Variants in COL23A1 observed in about 807,000 individuals in gnomAD.
COL23A1 encodes the protein collagen alpha-1(XXIII) chain.
COL23A1 carries 97 observed loss-of-function variants against 99.3 expected under a neutral mutation model. That is an observed-to-expected ratio of 0.98 (90% CI 0.83 to 1.16). The LOEUF (loss-of-function observed/expected upper bound fraction) is 1.16, where lower values mean the gene tolerates loss of function less well. Ranked by LOEUF, COL23A1 falls within the 50% of genes most tolerant of loss-of-function variation. The probability of loss-of-function intolerance (pLI) is 0.00; values close to 1 mark genes in which losing one functional copy is unlikely to be tolerated. For synonymous variants in COL23A1, 320 were observed against 308.2 expected (o/e 1.04, Z -0.40); for missense variants, 762 against 757.4 (o/e 1.01, Z -0.07).
chr5:178,239,010 T>C, intron 28 of COL23A1, 131 bp downstream of exon 28: 1 of 1,051,660 alleles, frequency 9.5e-7, no homozygotes, highest in Non-Finnish European at 1.5e-6. Flanking sequence ...AACCTGGCTA[T>C]TCAGTCACTG....
At chr5:178,268,037 C>T (rs1350792837) in intron 7 of COL23A1, among the ~76,000 whole-genome samples, 3 of 152,242 alleles carry the variant, frequency 2.0e-5, no homozygotes, top group East Asian at 1.9e-4. Flanking sequence ...CCACGGCTCC[C>T]GCAGCCCTGG....
chr5:178,505,192 A>G (rs1758793794), intron 2 of COL23A1, among the ~76,000 whole-genome samples: 1 of 151,514 alleles, frequency 6.6e-6, no homozygotes, highest in South Asian at 2.1e-4. Flanking sequence ...GGCTTACCCC[A>G]TCTCCACCTT....
In COL23A1 at chr5:178,387,843, A is replaced by G. The variant is rs1008655446; in HGVS notation, c.362-80924T>C. ...CCAGCTTTTATACTCAGGAAGGAAG[A>G]GGGCCCAAGGAGAAAATAAGGAGCC... is the stretch of plus-strand genomic sequence containing the variant. On this transcript the variant is annotated intron_variant, in intron 2 of 28. Coordinates refer to ENST00000390654, the MANE Select transcript of COL23A1 (RefSeq NM_173465.4). The surrounding 1 kb of genome is among the most constrained non-coding windows in gnomAD (Gnocchi z 4.7). Among the ~76,000 whole-genome samples the G allele has an allele frequency of 6.6e-6, 1 of 152,124 alleles. No individual in the cohort carries two copies. Among genetic ancestry groups the G allele is most frequent in the African/African-American group, 2.4e-5 (1 of 41,418 alleles).
At chr5:178,419,358 C>G (rs961781525) in intron 2 of COL23A1, among the ~76,000 whole-genome samples, 1 of 152,174 alleles carries the variant, frequency 6.6e-6, no homozygotes, top group Non-Finnish European at 1.5e-5. Flanking sequence ...AGAGCCAAGG[C>G]GAGCCTCCAC....
chr5:178,480,977 C>T (rs1757300874), intron 2 of COL23A1, among the ~76,000 whole-genome samples: 1 of 151,762 alleles, frequency 6.6e-6, no homozygotes, highest in African/African-American at 2.4e-5. Flanking sequence ...GAAACCTTGT[C>T]TCTATTAAAA....
intron 2 of COL23A1, among the ~76,000 whole-genome samples, chr5:178,486,040 G>A (rs1334587505): frequency 6.6e-6 from 1 of 152,206 alleles, no homozygotes; most frequent in Non-Finnish European, 1.5e-5. Context: ...ATGATGTCCT[G>A]TGTTAAAATC....
chr5:178,332,727 A>G (rs764695279), intron 2 of COL23A1, among the ~76,000 whole-genome samples: 2 of 151,992 alleles, frequency 1.3e-5, no homozygotes, highest in Non-Finnish European at 2.9e-5. Flanking sequence ...GAAAAAAAGC[A>G]TGCAAGCCCC....
At chr5:178,272,751 C>A (rs985990815) in intron 5 of COL23A1, among the ~76,000 whole-genome samples, 1 of 151,986 alleles carries the variant, frequency 6.6e-6, no homozygotes, top group Non-Finnish European at 1.5e-5. Context: ...TGTCCCCCTA[C>A]CCCCCGACCC....
chr5:178,362,129 G>C (rs934139203), intron 2 of COL23A1, among the ~76,000 whole-genome samples: 12 of 152,234 alleles, frequency 7.9e-5, no homozygotes, highest in African/African-American at 2.9e-4. Context: ...GTGTGGCAGG[G>C]CATTGAGGTG....
At chr5:178,400,223 C>T (rs1053098746) in intron 2 of COL23A1, among the ~76,000 whole-genome samples, 16 of 151,792 alleles carry the variant, frequency 1.1e-4, no homozygotes, top group Admixed American at 2.0e-4. Flanking sequence ...AAAAATTAGC[C>T]GGGCGTGGTG....
At chr5:178,326,660 G>A (rs979645244) in intron 2 of COL23A1, among the ~76,000 whole-genome samples, 5 of 151,936 alleles carry the variant, frequency 3.3e-5, no homozygotes, top group Admixed American at 2.6e-4. Context: ...CTCCACTCAC[G>A]TTCCCCCACC....
chr5:178,289,275 G>A (rs1161635475), intron 4 of COL23A1, among the ~76,000 whole-genome samples: 1 of 152,202 alleles, frequency 6.6e-6, no homozygotes, highest in Non-Finnish European at 1.5e-5. Flanking sequence ...CTGTCAATGT[G>A]CTTCTTGAGT....
rs1473668876 is a variant in COL23A1, at chr5:178,365,049, TACAGCAGTAAAGAATAA to T, written c.362-58147_362-58131del. ...GCGAATAAACAGATGCACAAGCAGA[TACAGCAGTAAAGAATAA>T]ACCGTAGGGGCAATAACAATCTCTT... is the stretch of plus-strand genomic sequence containing the variant. On this transcript the variant is annotated intron_variant, in intron 2 of 28. Coordinates refer to ENST00000390654, the MANE Select transcript of COL23A1 (RefSeq NM_173465.4). This position sits in a 1 kb window ranked among gnomAD's most constrained non-coding sequence, Gnocchi z 5.2. 5.9e-5 allele frequency among the ~76,000 whole-genome samples: 9 copies of T among 152,168 alleles called. No individual in the cohort carries two copies. The highest frequency in any genetic ancestry group is 2.2e-4 in the African/African-American group (9 of 41,456).
chr5:178,247,393 G>A lies in COL23A1; in HGVS notation c.1296+133C>T, dbSNP rs900877340. 1.1e-5 allele frequency: 11 copies of A among 999,142 alleles called. 1 individual carries two copies. In the Admixed American group the frequency reaches 1.6e-4, roughly 14 times the overall value. The allele number at this position is 999,142 out of a possible 1,614,324, so 61.9% of individuals were successfully genotyped here. On this transcript the variant is annotated intron_variant, in intron 22 of 28. Transcript: ENST00000390654. ...AGGTTATGCCCTGGGGACTTGGGACGTTCAGGCGCTGGGAAGACTCAGGGA... is the reference window on the plus strand; with the variant it reads ...AGGTTATGCCCTGGGGACTTGGGACATTCAGGCGCTGGGAAGACTCAGGGA...
rs1765248443 is a variant in COL23A1 at position 178,255,394 on chromosome 5, G to A, written c.883-368C>T. On this transcript the variant is annotated intron_variant, in intron 15 of 28. Coordinates refer to ENST00000390654, the MANE Select transcript of COL23A1 (RefSeq NM_173465.4). This position sits in a 1 kb window ranked among gnomAD's most constrained non-coding sequence, Gnocchi z 4.2. ...CTCCAAAACACAAAGACATGAGCAG[G>A]CTGGATCTGGCCCCCGTGCCTCCAT... Among the ~76,000 whole-genome samples the A allele has an allele frequency of 6.6e-6, 1 of 152,214 alleles. No homozygotes were observed. Among genetic ancestry groups the A allele is most frequent in the Admixed American group, 6.5e-5 (1 of 15,284 alleles).
chr5:178,453,198 C>G (rs1767585936), intron 2 of COL23A1, among the ~76,000 whole-genome samples: 2 of 152,280 alleles, frequency 1.3e-5, no homozygotes, highest in South Asian at 4.1e-4. Context: ...AAAAGGAGAA[C>G]AAGAGACACA....
chr5:178,317,256 C>T (rs919407563), intron 2 of COL23A1, among the ~76,000 whole-genome samples: 1 of 152,212 alleles, frequency 6.6e-6, no homozygotes, highest in African/African-American at 2.4e-5. Flanking sequence ...CCCTTCAGGA[C>T]AGACAACTCT....
At chr5:178,585,731 C>T (rs62391107) in intron 1 of COL23A1, among the ~76,000 whole-genome samples, 745 of 4,668 alleles carry the variant, frequency 0.16, 37 homozygotes, top group Middle Eastern at 0.21. Flanking sequence ...GGTAACACTC[C>T]ACAGCCCTGG....
At chr5:178,378,982 T>C (rs978128794) in intron 2 of COL23A1, among the ~76,000 whole-genome samples, 6 of 152,148 alleles carry the variant, frequency 3.9e-5, no homozygotes, top group African/African-American at 1.2e-4. Context: ...GCAAGCCAGA[T>C]TGATGTGAGG....
Sources: allele counts gnomAD v4.1 joint callset (sites outside exome capture counted in the v4.1 genomes callset), GRCh38; gene constraint gnomAD v4.1.1; non-coding constraint Gnocchi (gnomAD v3.1); transcripts MANE v1.5; gene names NCBI Gene and HGNC (gene_info 2026-07-23, HGNC 2026-07-21).